Variants in TMEM178B observed in about 807,000 individuals in gnomAD.
The protein encoded by TMEM178B is transmembrane protein 178B.
A neutral mutation model predicts 31.0 loss-of-function variants in TMEM178B; 5 were observed. The observed-to-expected ratio is 0.16, with a 90% confidence interval of 0.08 to 0.34. The LOEUF (loss-of-function observed/expected upper bound fraction) is 0.34, where lower values mean the gene tolerates loss of function less well. Ranked by LOEUF, TMEM178B falls within the 10% of genes least tolerant of loss-of-function variation. The pLI, the probability that TMEM178B is intolerant of heterozygous loss-of-function variation, is 1.00. For missense variants in TMEM178B, 275 were observed against 400.3 expected (o/e 0.69, Z 2.67); for synonymous variants, 164 against 164.0 (o/e 1.00, Z 0.00).
At chr7:141,223,976 A>G (rs1797298994) in intron 2 of TMEM178B, among the ~76,000 whole-genome samples, 6 of 152,258 alleles carry the variant, frequency 3.9e-5, no homozygotes, top group Admixed American at 3.3e-4. Flanking sequence ...AGCTCCCATA[A>G]TTCTCACCTG....
At position 141,470,800 on chromosome 7, in the gene TMEM178B, A is replaced by G; in HGVS notation, c.*14A>G. ...ACAGTGTGCTAAAAAACAAACCCAT[A>G]CATACATATATATATATAAATATAT... On this transcript the variant is annotated 3_prime_UTR_variant, in exon 4 of 4. Transcript: ENST00000565468. The G allele has an allele frequency of 7.7e-7, 1 of 1,306,548 alleles. No individual in the cohort carries two copies. Among genetic ancestry groups the G allele is most frequent in the East Asian group, 3.0e-5 (1 of 33,530 alleles). 80.9% of individuals were successfully genotyped at this position (1,306,548 alleles called of 1,614,324 possible).
At chr7:141,483,578 C>G (rs984397094), downstream of TMEM178B, among the ~76,000 whole-genome samples, 1 of 152,140 alleles carries the variant, frequency 6.6e-6, no homozygotes, top group African/African-American at 2.4e-5. Flanking sequence ...AACAGGTATT[C>G]CAACACCTCT....
chr7:141,184,924 A>G (rs1039118491), intron 1 of TMEM178B, among the ~76,000 whole-genome samples: 1 of 152,206 alleles, frequency 6.6e-6, no homozygotes, highest in African/African-American at 2.4e-5. Flanking sequence ...CTGAATTCCA[A>G]TCAGCACTTC....
chr7:141,309,916 C>A (rs1264926062), intron 2 of TMEM178B, among the ~76,000 whole-genome samples: 1 of 152,134 alleles, frequency 6.6e-6, no homozygotes, highest in Non-Finnish European at 1.5e-5. Context: ...CTTCCTTACA[C>A]CTTATACAAA....
At chr7:141,420,503 C>G (rs1281249670) in intron 2 of TMEM178B, among the ~76,000 whole-genome samples, 2 of 152,086 alleles carry the variant, frequency 1.3e-5, no homozygotes, top group Non-Finnish European at 2.9e-5. Context: ...TAAAAAAAGC[C>G]TGGGTCAACA....
In TMEM178B at chr7:141,204,500, A is replaced by C. The variant is rs188189136; in HGVS notation, c.383-8091A>C. On this transcript the variant is annotated intron_variant, in intron 1 of 3. Coordinates refer to ENST00000565468, the MANE Select transcript of TMEM178B (RefSeq NM_001195278.2). ...GAGCGTCCACTGCAGCTTCAGCCGGAATCGGAGGTGAACGGAGGGGATGTG... is the reference window on the plus strand; with the variant it reads ...GAGCGTCCACTGCAGCTTCAGCCGGCATCGGAGGTGAACGGAGGGGATGTG... Among the ~76,000 whole-genome samples, 339 of 152,300 alleles carry C rather than the reference A, an allele frequency of 2.2e-3. 2 individuals carry two copies. The highest frequency in any genetic ancestry group is 0.014 in the Middle Eastern group (4 of 294).
At chr7:141,410,192 C>A (rs189225811) in intron 2 of TMEM178B, among the ~76,000 whole-genome samples, 5 of 152,280 alleles carry the variant, frequency 3.3e-5, no homozygotes, top group African/African-American at 1.2e-4. Context: ...ACTTGGCATG[C>A]CTTCATGGAC....
intron 2 of TMEM178B, among the ~76,000 whole-genome samples, chr7:141,223,598 G>T (rs1023131096): frequency 2.0e-5 from 3 of 151,652 alleles, no homozygotes; most frequent in African/African-American, 7.3e-5. Flanking sequence ...GTTGTGCATG[G>T]AATTCAGCCT....
At chr7:141,302,861 C>T (rs1798751849) in intron 2 of TMEM178B, among the ~76,000 whole-genome samples, 1 of 152,156 alleles carries the variant, frequency 6.6e-6, no homozygotes, top group South Asian at 2.1e-4. Context: ...CAAAAGGCAG[C>T]CTGATAGAGA....
intron 1 of TMEM178B, among the ~76,000 whole-genome samples, chr7:141,164,058 C>T (rs1170321939): frequency 2.0e-5 from 3 of 151,920 alleles, no homozygotes; most frequent in South Asian, 2.1e-4. Context: ...TATTAGTGAC[C>T]GTAACTACTG....
intron 2 of TMEM178B, among the ~76,000 whole-genome samples, chr7:141,238,858 G>A (rs1009577542): frequency 6.6e-6 from 1 of 152,214 alleles, no homozygotes; most frequent in African/African-American, 2.4e-5. Context: ...AAATTAATTA[G>A]CCCCCTTGGG....
At chr7:141,387,438 T>C (rs1228556854) in intron 2 of TMEM178B, among the ~76,000 whole-genome samples, 1 of 152,218 alleles carries the variant, frequency 6.6e-6, no homozygotes, top group Non-Finnish European at 1.5e-5. Flanking sequence ...GAAGAAATTC[T>C]ACCCCTTCTT....
intron 2 of TMEM178B, among the ~76,000 whole-genome samples, chr7:141,243,716 C>T (rs1385857668): frequency 6.6e-6 from 1 of 152,148 alleles, no homozygotes; most frequent in Non-Finnish European, 1.5e-5. Flanking sequence ...TTCTCGTTCT[C>T]ATTGCCAGCC....
intron 2 of TMEM178B, among the ~76,000 whole-genome samples, chr7:141,292,404 C>T (rs187808642): frequency 5.3e-5 from 8 of 152,272 alleles, no homozygotes; most frequent in East Asian, 3.9e-4. Context: ...ACAAACCAGA[C>T]GTAAAGAATC....
At chr7:141,118,477 G>A (rs1019811462) in intron 1 of TMEM178B, among the ~76,000 whole-genome samples, 3 of 152,242 alleles carry the variant, frequency 2.0e-5, no homozygotes, top group Non-Finnish European at 4.4e-5. Context: ...AAATGAGTGA[G>A]TATATGTGAA....
At chr7:141,390,328 G>A (rs1041406332) in intron 2 of TMEM178B, among the ~76,000 whole-genome samples, 2 of 152,168 alleles carry the variant, frequency 1.3e-5, no homozygotes, top group Non-Finnish European at 2.9e-5. Context: ...TAAGCCCCAG[G>A]CCTACACTCT....
intron 1 of TMEM178B, among the ~76,000 whole-genome samples, chr7:141,087,406 TA>T (rs995775279): frequency 6.6e-6 from 1 of 152,178 alleles, no homozygotes; most frequent in African/African-American, 2.4e-5. Context: ...CAGCCCCTTT[TA>T]AATTTCCTGC....
intron 2 of TMEM178B, among the ~76,000 whole-genome samples, chr7:141,401,358 G>T (rs1000032254): frequency 6.6e-6 from 1 of 152,238 alleles, no homozygotes; most frequent in Admixed American, 6.5e-5. Flanking sequence ...TATAAAATTG[G>T]TTCAGGTACC....
intron 2 of TMEM178B, among the ~76,000 whole-genome samples, chr7:141,335,612 C>T (rs532076127): frequency 6.6e-6 from 1 of 152,256 alleles, no homozygotes; most frequent in South Asian, 2.1e-4. Flanking sequence ...CAGTACAGTG[C>T]ACAGTTTGGG....
Sources: allele counts gnomAD v4.1 joint callset (sites outside exome capture counted in the v4.1 genomes callset), GRCh38; gene constraint gnomAD v4.1.1; transcripts MANE v1.5; gene names NCBI Gene and HGNC (gene_info 2026-07-23, HGNC 2026-07-21).